MYO15B: variants seen among roughly 807,000 people sequenced by gnomAD.
MYO15B encodes the protein myosin XVB pseudogene.
A neutral mutation model predicts 119.3 loss-of-function variants in MYO15B; 207 were observed. The observed-to-expected ratio is 1.73, with a 90% confidence interval of 1.55 to 1.95. MYO15B has a LOEUF of 1.95. MYO15B is among the 30% of genes most tolerant of loss of function. The probability of loss-of-function intolerance (pLI) is 0.00; values close to 1 mark genes in which losing one functional copy is unlikely to be tolerated. For missense variants in MYO15B, 2,264 were observed against 1,203.1 expected (o/e 1.88, Z -13.04); for synonymous variants, 966 against 498.9 (o/e 1.94, Z -12.48).
chr17:75,595,071 G>A lies in MYO15B; in HGVS notation c.3297+99G>A, dbSNP rs557698105. The A allele has an allele frequency of 8.5e-4, 559 of 655,260 alleles. 12 individuals are homozygous for A. In the South Asian group the frequency reaches 9.1e-3, roughly 11 times the overall value. 40.6% of individuals were successfully genotyped at this position (655,260 alleles called of 1,614,324 possible). A position where few individuals can be genotyped will look rare whatever the true frequency, so the allele number is the denominator to read the frequency against. ...TCCAGCTCTCCCTGGGGGCACTCGC[G>A]AGGTGCTTGTCTGTCTGGCAGGGCG... On this transcript the variant is annotated intron_variant, in intron 12 of 63. Transcript: ENST00000645453.
intron 14 of MYO15B, among the ~76,000 whole-genome samples, chr17:75,600,428 TTC>T (rs1275310313): frequency 1.6e-5 from 1 of 62,960 alleles, no homozygotes; most frequent in Non-Finnish European, 3.5e-5. Flanking sequence ...CCATCCCCAT[TTC>T]TTTTTTTTTT....
At chr17:75,591,080 C>G (rs1348168502) in intron 3 of MYO15B, 64 bp downstream of exon 3, 5 of 691,016 alleles carry the variant, frequency 7.2e-6, no homozygotes, top group Non-Finnish European at 1.3e-5. Flanking sequence ...CTGCATGTCC[C>G]CTTGACTGAG....
chr17:75,619,415 G>A (rs900276872), exon 45 of MYO15B: 14 of 702,608 alleles, frequency 2.0e-5, no homozygotes, highest in African/African-American at 8.7e-5. Flanking sequence ...GTCAAGAAGC[G>A]CATCGTGGTG....
At chr17:75,610,183 G>C (rs756173559) in exon 22 of MYO15B, 4 of 700,768 alleles carry the variant, frequency 5.7e-6, no homozygotes, top group Non-Finnish European at 7.8e-6. Flanking sequence ...TACCTCCGGC[G>C]GCGGGCAGCT....
At chr17:75,596,773 G>A (rs1164026086) in exon 14 of MYO15B, 2 of 698,262 alleles carry the variant, frequency 2.9e-6, no homozygotes, top group South Asian at 1.5e-5. Flanking sequence ...CCCAGGAGGA[G>A]TGTCGGCGGG....
At chr17:75,626,677 C>G (rs1340736128) in exon 64 of MYO15B, among the ~76,000 whole-genome samples, 1 of 152,268 alleles carries the variant, frequency 6.6e-6, no homozygotes, top group Admixed American at 6.5e-5. Context: ...GCCAGACCCT[C>G]TCCAGGACGG....
chr17:75,615,693 G>A lies in MYO15B; in HGVS notation c.5839G>A (p.Ala1947Thr), dbSNP rs1285373271. The stretch of plus-strand genomic sequence containing the variant: ...GAACTGGCTGCTCCTCCTGCTTCAG[G>A]CCCAGCAGATGACAGCCCAGGCCAT... Residue 1947 changes from alanine (A) to threonine (T), a missense_variant and splice_region_variant, in exon 36 of 64, where the codon GCC (alanine) becomes ACC (threonine). By Grantham distance (58) the Ala-to-Thr change is moderately conservative (BLOSUM62 0). Transcript: ENST00000645453. 4 of 678,298 alleles carry A rather than the reference G, an allele frequency of 5.9e-6. No individual in the cohort carries two copies. In the East Asian group the frequency reaches 1.1e-4, roughly 18 times the overall value. 42.0% of individuals were successfully genotyped at this position (678,298 alleles called of 1,614,324 possible).
chr17:75,618,509 C>T (rs1337416331), intron 43 of MYO15B, among the ~76,000 whole-genome samples: 3 of 152,250 alleles, frequency 2.0e-5, no homozygotes, highest in East Asian at 3.9e-4. Flanking sequence ...AAAAATCAGG[C>T]GTGGTGGCAC....
At chr17:75,615,827 C>T (rs3803731) in exon 36 of MYO15B, 54,842 of 702,292 alleles carry the variant, frequency 0.078, 2,445 homozygotes, top group African/African-American at 0.14. Context: ...CCAGGAAGCC[C>T]CCCACACCCC....
Position 75,589,024 on chromosome 17 carries a change from G to A in MYO15B, c.967G>A (p.Ala323Thr). ...GGCAGGCGAGGGCGAAGCGGGAGCC[G>A]CAGCAGGAGCGGGGCCGGAGGACCC... The change falls in exon 1 of 64, where the codon GCA becomes ACA. Residue 323 changes from alanine (A) to threonine (T), a missense_variant. Physicochemically the swap from Ala to Thr is moderately conservative, Grantham distance 58. Transcript: ENST00000645453. This position sits in a 1 kb window ranked among gnomAD's most constrained non-coding sequence, Gnocchi z 4.2. 1 of 397,514 alleles carries A rather than the reference G, an allele frequency of 2.5e-6. No homozygotes were observed. Among genetic ancestry groups the A allele is most frequent in the Non-Finnish European group, 4.4e-6 (1 of 225,290 alleles). The allele number at this position is 397,514 out of a possible 1,614,324, so 24.6% of individuals were successfully genotyped here.
At chr17:75,619,004 C>T in intron 43 of MYO15B, 139 bp from the exon 44 acceptor site, 1 of 635,146 alleles carries the variant, frequency 1.6e-6, no homozygotes. Context: ...CACCTAGGCC[C>T]TCTGCTGAGC....
At chr17:75,591,129 G>C (rs931313666) in intron 3 of MYO15B, 43 bp from the exon 4 acceptor site, 2 of 702,430 alleles carry the variant, frequency 2.8e-6, no homozygotes, top group Non-Finnish European at 5.2e-6. Context: ...CACCTCGGAG[G>C]GTCCCAGGTC....
intron 14 of MYO15B, chr17:75,600,478 C>T (rs1184207336): frequency 6.7e-6 from 1 of 149,314 alleles, no homozygotes; most frequent in Non-Finnish European, 1.5e-5. Context: ...AATGGGGTCT[C>T]ACTCTCTCAC....
chr17:75,615,168 C>T, intron 33 of MYO15B, 72 bp from the exon 34 acceptor site: 6 of 682,734 alleles, frequency 8.8e-6, no homozygotes, highest in Non-Finnish European at 1.6e-5. Flanking sequence ...ATGCTCTTCT[C>T]TGTGCCTGGG....
At chr17:75,620,790 T>TTGTC in intron 49 of MYO15B, 154 bp downstream of exon 49, 1 of 701,682 alleles carries the variant, frequency 1.4e-6, no homozygotes, top group Non-Finnish European at 2.6e-6. Flanking sequence ...ATGGCTCGCC[T>TTGTC]TGTCTCTCCA....
Position 75,624,607 on chromosome 17 carries a change from AG to A in MYO15B, c.8512del (p.Glu2838AsnfsTer27). On this transcript the variant is annotated frameshift_variant, in exon 58 of 64. Transcript: ENST00000645453. LOFTEE classifies it high-confidence loss of function. ...GGTATCACGGAGCCTCAGGAAGTGCAGGAATTCGCCCTCTTCCTCATCAAAG... is the reference window on the plus strand; with the variant it reads ...GGTATCACGGAGCCTCAGGAAGTGCAGAATTCGCCCTCTTCCTCATCAAAG... 1.4e-6 allele frequency: 1 copy of A among 702,920 alleles called. No individual in the cohort carries two copies. 43.5% of individuals were successfully genotyped at this position (702,920 alleles called of 1,614,324 possible).
rs2056207526 is a variant in MYO15B, at chr17:75,588,560, A to AGG, written c.504_505dup (p.Glu169GlyfsTer201). On this transcript the variant is annotated frameshift_variant, in exon 1 of 64. Coordinates refer to ENST00000645453, the Ensembl canonical transcript of MYO15B. LOFTEE classifies it high-confidence loss of function. ...CCGGACAGCGAAACCCGCGAGGCCCAGGAGAGCGGCAGCCAGCGCGGCACA... is the reference window on the plus strand; with the variant it reads ...CCGGACAGCGAAACCCGCGAGGCCCAGGGGAGAGCGGCAGCCAGCGCGGCACA... 1 of 398,706 alleles carries AGG rather than the reference A, an allele frequency of 2.5e-6. No homozygotes were observed. Among genetic ancestry groups the AGG allele is most frequent in the Admixed American group, 4.4e-5 (1 of 22,714 alleles). The allele number at this position is 398,706 out of a possible 1,614,324, so 24.7% of individuals were successfully genotyped here.
In MYO15B at chr17:75,601,581, C is replaced by T. The variant is rs2057289209; in HGVS notation, c.3651+18C>T. The T allele has an allele frequency of 4.3e-6, 3 of 702,526 alleles. No individual in the cohort carries two copies. The highest frequency in any genetic ancestry group is 7.8e-6 in the Non-Finnish European group (3 of 384,618). 43.5% of individuals were successfully genotyped at this position (702,526 alleles called of 1,614,324 possible). On this transcript the variant is annotated intron_variant, in intron 15 of 63. Coordinates refer to ENST00000645453, the Ensembl canonical transcript of MYO15B. ...CCTACCAGGTACCTGGCCTCAGGGA[C>T]AGACCAGGGTGAATCAGCGAGGGCA...
rs1178443699 is a variant in MYO15B at position 75,626,231 on chromosome 17, G to A, written c.9213+3G>A. On this transcript the variant is annotated splice_donor_region_variant and intron_variant, in intron 63 of 63. Coordinates refer to ENST00000645453, the Ensembl canonical transcript of MYO15B. ...CCATCTGGTTTGAGCTGCCACAGGT[G>A]AGTGGCCAGGCCTCTGGCCACCTTG... The A allele has an allele frequency of 7.1e-6, 5 of 702,944 alleles. No homozygotes were observed. The highest frequency in any genetic ancestry group is 4.0e-5 in the Admixed American group (2 of 49,990). 43.5% of individuals were successfully genotyped at this position (702,944 alleles called of 1,614,324 possible). A position where few individuals can be genotyped will look rare whatever the true frequency, so the allele number is the denominator to read the frequency against.
Sources: gnomAD v4.1 joint callset for allele counts (sites outside exome capture counted in the v4.1 genomes callset) on GRCh38, gnomAD v4.1.1 for gene constraint, Gnocchi (gnomAD v3.1) non-coding constraint, MANE v1.5 for transcripts, NCBI Gene and HGNC (gene_info 2026-07-23, HGNC 2026-07-21) for gene names.